The following COMMD1 variants were observed in gnomAD, a reference collection of about 807,000 sequenced individuals.
The protein encoded by COMMD1 is copper metabolism domain containing 1.
In COMMD1, 10 loss-of-function variants were observed where a neutral mutation model predicts 17.2. That is an observed-to-expected ratio of 0.58 (90% CI 0.36 to 0.99). The LOEUF (loss-of-function observed/expected upper bound fraction) is 0.99, where lower values mean the gene tolerates loss of function less well. Ranked by LOEUF, COMMD1 falls within the 50% of genes least tolerant of loss-of-function variation. The pLI is 0.01. For synonymous variants in COMMD1, 97 were observed against 91.6 expected, an observed-to-expected ratio of 1.06 and a Z score of -0.34; for missense variants, 270 against 231.8, an observed-to-expected ratio of 1.17 and a Z score of -1.07.
intron 2 of COMMD1, among the ~76,000 whole-genome samples, chr2:62,087,992 G>A (rs1671716357): frequency 6.6e-6 from 1 of 152,096 alleles, no homozygotes; most frequent in African/African-American, 2.4e-5. Context: ...TTCTTGAACT[G>A]TTCTGGCAAA....
intron 2 of COMMD1, among the ~76,000 whole-genome samples, chr2:62,129,715 G>C (rs1461092779): frequency 6.6e-6 from 1 of 152,102 alleles, no homozygotes; most frequent in Non-Finnish European, 1.5e-5. Flanking sequence ...GTTCATTCTT[G>C]AGTGCTTGCT....
chr2:62,078,243 A>AC (rs1671406255), intron 2 of COMMD1, among the ~76,000 whole-genome samples: 1 of 133,586 alleles, frequency 7.5e-6, no homozygotes, highest in Non-Finnish European at 1.6e-5. Context: ...CCAATGCAAA[A>AC]AAAAAAAAAA....
rs569638615 is a variant in COMMD1 at position 61,963,399 on chromosome 2, C to T, written c.181-37302C>T. 2.0e-5 allele frequency among the ~76,000 whole-genome samples: 3 copies of T among 151,884 alleles called. No homozygotes were observed. In the South Asian group the frequency reaches 6.2e-4, roughly 32 times the overall value. ...TGAGATGGAGTCTCACTCTGTTGTC[C>T]AGGCTGGAGTGCAATGACACCATCT... On this transcript the variant is annotated intron_variant, in intron 1 of 2. Coordinates refer to ENST00000311832, the MANE Select transcript of COMMD1 (RefSeq NM_152516.4).
rs548594102 is a variant in COMMD1, at chr2:62,006,265, G to A, written c.462+5283G>A. Among the ~76,000 whole-genome samples, 16 of 150,926 alleles carry A rather than the reference G, an allele frequency of 1.1e-4. No homozygotes were observed. In the South Asian group the frequency reaches 3.4e-3, roughly 32 times the overall value. Reference sequence around the variant, plus strand: ...AATGCTAAATGACAAGATAATGGGTGCAGCACACCAGCATGGCACGTGTAT... The same window carrying A: ...AATGCTAAATGACAAGATAATGGGTACAGCACACCAGCATGGCACGTGTAT... On this transcript the variant is annotated intron_variant, in intron 2 of 2. Coordinates refer to ENST00000311832, the MANE Select transcript of COMMD1 (RefSeq NM_152516.4).
At chr2:61,951,443 G>C (rs1033868886) in intron 1 of COMMD1, among the ~76,000 whole-genome samples, 1 of 146,146 alleles carries the variant, frequency 6.8e-6, no homozygotes, top group Admixed American at 6.9e-5. Context: ...CTCGGTAACA[G>C]AACGAGACTC....
chr2:61,930,227 C>T (rs1411361904), intron 1 of COMMD1, among the ~76,000 whole-genome samples: 3 of 152,110 alleles, frequency 2.0e-5, no homozygotes, highest in African/African-American at 4.8e-5. Flanking sequence ...TTTGCTCTGG[C>T]ATCCAGAACT....
Position 61,990,877 on chromosome 2 carries a change from CAAAA to C in COMMD1, c.181-9812_181-9809del, listed in dbSNP as rs139284456. ...GCCAAACCATATCACTCTGTCTTTA[CAAAA>C]AAAAAAAAAAATATATATATATACA... On this transcript the variant is annotated intron_variant, in intron 1 of 2. Coordinates refer to ENST00000311832, the MANE Select transcript of COMMD1 (RefSeq NM_152516.4). 2.3e-3 allele frequency among the ~76,000 whole-genome samples: 260 copies of C among 111,662 alleles called. 2 individuals carry two copies. Among genetic ancestry groups the C allele is most frequent in the African/African-American group, 7.9e-3 (231 of 29,190 alleles). The allele number at this position is 111,662 out of a possible 152,430, so 73.3% of individuals were successfully genotyped here.
At chr2:61,960,455 A>G (rs1671311680) in intron 1 of COMMD1, among the ~76,000 whole-genome samples, 1 of 152,126 alleles carries the variant, frequency 6.6e-6, no homozygotes, top group Admixed American at 6.6e-5. Flanking sequence ...AGGAGGTGAG[A>G]ACTGAAGCGA....
chr2:61,980,608 G>C (rs1274990385), intron 1 of COMMD1, among the ~76,000 whole-genome samples: 171 of 132,862 alleles, frequency 1.3e-3, no homozygotes, highest in South Asian at 2.7e-3. Context: ...TTGTTTTTTT[G>C]TTGTAAATTT....
At chr2:62,012,350 G>A (rs1243072642) in intron 2 of COMMD1, among the ~76,000 whole-genome samples, 2 of 136,974 alleles carry the variant, frequency 1.5e-5, no homozygotes, top group African/African-American at 2.7e-5. Context: ...TTTTTGAGAT[G>A]GAGTCTTACT....
intron 1 of COMMD1, among the ~76,000 whole-genome samples, chr2:61,941,413 G>A (rs140708024): frequency 6.6e-6 from 1 of 152,278 alleles, no homozygotes; most frequent in Non-Finnish European, 1.5e-5. Context: ...TGATTCTGTG[G>A]GAGGGGTACC....
At chr2:62,086,005 A>T (rs1432641608) in intron 2 of COMMD1, among the ~76,000 whole-genome samples, 2 of 151,224 alleles carry the variant, frequency 1.3e-5, no homozygotes, top group African/African-American at 2.4e-5. Context: ...AAACAAAAAA[A>T]TTTTTAAGAA....
At chr2:62,013,252 A>C (rs1456257944) in intron 2 of COMMD1, among the ~76,000 whole-genome samples, 2 of 146,258 alleles carry the variant, frequency 1.4e-5, no homozygotes, top group Admixed American at 6.6e-5. Context: ...GGTAAATGGG[A>C]TTTCAAGGAA....
chr2:61,895,475 A>C (rs764233167), intron 1 of COMMD1, among the ~76,000 whole-genome samples: 1 of 152,130 alleles, frequency 6.6e-6, no homozygotes, highest in Non-Finnish European at 1.5e-5. Flanking sequence ...CTACTAGACC[A>C]TCTGCTTAGG....
At chr2:61,983,403 A>G (rs1473542776) in intron 1 of COMMD1, among the ~76,000 whole-genome samples, 2 of 152,010 alleles carry the variant, frequency 1.3e-5, no homozygotes, top group African/African-American at 2.4e-5. Context: ...GTTAGCCAGG[A>G]TGGTGTCAAT....
chr2:62,099,721 T>C (rs1174813112), intron 2 of COMMD1, among the ~76,000 whole-genome samples: 1 of 151,948 alleles, frequency 6.6e-6, no homozygotes, highest in African/African-American at 2.4e-5. Flanking sequence ...TCTTCAGAGG[T>C]CTGTCACCTC....
At chr2:62,093,679 G>T (rs1476795430) in intron 2 of COMMD1, among the ~76,000 whole-genome samples, 1 of 152,160 alleles carries the variant, frequency 6.6e-6, no homozygotes, top group African/African-American at 2.4e-5. Flanking sequence ...ATTTCATTTT[G>T]CTTCTCGAGT....
chr2:61,949,662 TAAAA>T (rs756145318), intron 1 of COMMD1, among the ~76,000 whole-genome samples: 3 of 109,182 alleles, frequency 2.7e-5, no homozygotes, highest in Non-Finnish European at 6.2e-5. Flanking sequence ...TCAGTTAAAA[TAAAA>T]AAAAGAATGA....
intron 1 of COMMD1, among the ~76,000 whole-genome samples, chr2:61,910,484 C>A (rs1366983996): frequency 6.6e-6 from 1 of 152,112 alleles, no homozygotes; most frequent in African/African-American, 2.4e-5. Context: ...TAACTTCAAG[C>A]AGTCCACCCT....
Sources: gnomAD v4.1 joint callset for allele counts (sites outside exome capture counted in the v4.1 genomes callset) on GRCh38, gnomAD v4.1.1 for gene constraint, MANE v1.5 for transcripts, NCBI Gene and HGNC (gene_info 2026-07-23, HGNC 2026-07-21) for gene names.